Variants in SAMSN1 observed in about 807,000 individuals in gnomAD.
SAMSN1 encodes SAM domain-containing protein SAMSN-1.
Under a neutral mutation model 42.0 loss-of-function variants are expected in SAMSN1, and 31 were observed. The ratio of observed to expected loss-of-function variants is 0.74; its 90% confidence interval spans 0.55 to 1.00. The LOEUF is 1.00. SAMSN1 is among the 50% of genes least tolerant of loss of function. SAMSN1 has a pLI of 0.00. For missense variants in SAMSN1, 464 were observed against 439.4 expected (o/e 1.06, Z -0.50); for synonymous variants, 178 against 151.9 (o/e 1.17, Z -1.26).
At chr21:14,605,832 A>T (rs140869983) in intron 5 of SAMSN1, among the ~76,000 whole-genome samples, 1 of 149,936 alleles carries the variant, frequency 6.7e-6, no homozygotes, top group Admixed American at 6.7e-5. Flanking sequence ...TTATTTATTT[A>T]TTTATTTATT....
At chr21:14,570,722 C>T (rs1805677805) in intron 2 of SAMSN1, among the ~76,000 whole-genome samples, 1 of 152,192 alleles carries the variant, frequency 6.6e-6, no homozygotes, top group Non-Finnish European at 1.5e-5. Context: ...ACGCCACCAT[C>T]ATCTTTCATC....
At chr21:14,613,496 A>G (rs971933046) in intron 3 of SAMSN1, among the ~76,000 whole-genome samples, 2 of 152,166 alleles carry the variant, frequency 1.3e-5, no homozygotes, top group Non-Finnish European at 2.9e-5. Flanking sequence ...GTTATAGCTT[A>G]AGTGTTTTCT....
Position 14,500,541 on chromosome 21 carries a change from C to T in SAMSN1, c.756G>A (p.Arg252=), listed in dbSNP as rs1165411686. ...KSKTLQEFLE[R]IHLQEYTSTL... ...CAGATTTGCTCACCTGCAGATGAAT[C>T]CTCTCTAGGAACTCCTGCAGAGTCT... Residue 252 remains arginine (R), a synonymous_variant, in exon 6 of 8, where the codon AGG becomes AGA. Coordinates refer to ENST00000400566, the MANE Select transcript of SAMSN1 (RefSeq NM_022136.5). 6.2e-7 allele frequency: 1 copy of T among 1,613,994 alleles called. No individual in the cohort carries two copies.
Position 14,516,719 on chromosome 21 carries a change from C to A in SAMSN1, c.279+173G>T, listed in dbSNP as rs117232602. ...GCATGATCTTTCTGAGTGTCAGTTT[C>A]TTCTGTTAAAATGAAAGTAATACTT... On this transcript the variant is annotated intron_variant, in intron 3 of 7. Coordinates refer to ENST00000400566, the MANE Select transcript of SAMSN1 (RefSeq NM_022136.5). Among the ~76,000 whole-genome samples the A allele has an allele frequency of 2.8e-3, 432 of 152,228 alleles. 8 individuals carry two copies. Among genetic ancestry groups the A allele is most frequent in the East Asian group, 0.02 (106 of 5,182 alleles).
rs113865014 is a variant in SAMSN1 at position 14,534,974 on chromosome 21, C to T, written c.57+11231G>A. On this transcript the variant is annotated intron_variant, in intron 1 of 7. Coordinates refer to ENST00000400566, the MANE Select transcript of SAMSN1 (RefSeq NM_022136.5). ...AGGCTTTCTTGAGGAAGTGACAGTC[C>T]ACCTATAAATTCGAATAGATAAGAA... Among the ~76,000 whole-genome samples the T allele has an allele frequency of 1.8e-3, 276 of 152,138 alleles. 2 individuals carry two copies. The highest frequency in any genetic ancestry group is 6.3e-3 in the African/African-American group (261 of 41,488).
chr21:14,507,995 G>A (rs567166335), intron 5 of SAMSN1, among the ~76,000 whole-genome samples: 88 of 152,272 alleles, frequency 5.8e-4, no homozygotes, highest in South Asian at 1.5e-3. Flanking sequence ...AGGATAACTG[G>A]CTAGCCATAT....
intron 2 of SAMSN1, among the ~76,000 whole-genome samples, chr21:14,581,310 T>G (rs989413265): frequency 1.4e-5 from 2 of 145,688 alleles, no homozygotes; most frequent in Non-Finnish European, 3.0e-5. Context: ...GTGCCTCCAT[T>G]TTCTCAACTG....
chr21:14,569,990 C>A (rs9978243), intron 2 of SAMSN1, among the ~76,000 whole-genome samples: 2 of 151,628 alleles, frequency 1.3e-5, no homozygotes, highest in Non-Finnish European at 2.9e-5. Context: ...ACTTTCCCCC[C>A]CCCCAGTTTT....
At chr21:14,657,645 G>A (rs1447949827) in intron 1 of SAMSN1, among the ~76,000 whole-genome samples, 1 of 151,756 alleles carries the variant, frequency 6.6e-6, no homozygotes, top group African/African-American at 2.4e-5. Flanking sequence ...AGCTCTTTTA[G>A]ATCAACTAGA....
upstream of SAMSN1, chr21:14,658,831 T>G (rs770336392): frequency 4.2e-6 from 3 of 714,096 alleles, no homozygotes; most frequent in Non-Finnish European, 7.8e-6. Flanking sequence ...CTCTTGTAGC[T>G]CTCTCTTGCC....
At chr21:14,609,303 C>T (rs2123319036) in intron 5 of SAMSN1, among the ~76,000 whole-genome samples, 1 of 152,068 alleles carries the variant, frequency 6.6e-6, no homozygotes, top group African/African-American at 2.4e-5. Flanking sequence ...TATATGTATA[C>T]ATGTATATAT....
chr21:14,578,271 G>A (rs1981572765), intron 2 of SAMSN1, among the ~76,000 whole-genome samples: 1 of 152,090 alleles, frequency 6.6e-6, no homozygotes, highest in African/African-American at 2.4e-5. Flanking sequence ...AGGGTAAGGA[G>A]TTTACTCAAG....
chr21:14,595,307 A>C (rs995313698), intron 6 of SAMSN1, among the ~76,000 whole-genome samples: 1 of 152,094 alleles, frequency 6.6e-6, no homozygotes, highest in Admixed American at 6.6e-5. Context: ...ATGGAATTAG[A>C]GCCCTTATAA....
intron 1 of SAMSN1, among the ~76,000 whole-genome samples, chr21:14,545,862 A>T (rs1420810180): frequency 6.6e-6 from 1 of 152,218 alleles, no homozygotes; most frequent in Non-Finnish European, 1.5e-5. Context: ...ATAGACGTTG[A>T]CAATCTCATA....
intron 2 of SAMSN1, among the ~76,000 whole-genome samples, chr21:14,616,613 G>C (rs1209141966): frequency 6.6e-6 from 1 of 152,142 alleles, no homozygotes; most frequent in African/African-American, 2.4e-5. Flanking sequence ...CCTTGAAACA[G>C]CTTAAACTGC....
chr21:14,576,412 C>T (rs892710884), intron 2 of SAMSN1, among the ~76,000 whole-genome samples: 1 of 152,124 alleles, frequency 6.6e-6, no homozygotes, highest in Non-Finnish European at 1.5e-5. Context: ...GTTAAGCTGT[C>T]TGTCTCCAGT....
At chr21:14,617,953 G>A (rs183902303) in intron 2 of SAMSN1, among the ~76,000 whole-genome samples, 40 of 152,342 alleles carry the variant, frequency 2.6e-4, no homozygotes, top group African/African-American at 9.4e-4. Flanking sequence ...CCCACACAAA[G>A]CTTAAACACT....
chr21:14,622,467 T>A (rs917689330), intron 2 of SAMSN1, among the ~76,000 whole-genome samples: 1 of 152,152 alleles, frequency 6.6e-6, no homozygotes, highest in African/African-American at 2.4e-5. Flanking sequence ...AAGAACTACG[T>A]GACGAATCCA....
At chr21:14,637,800 T>C (rs1295456721) in intron 2 of SAMSN1, among the ~76,000 whole-genome samples, 1 of 152,194 alleles carries the variant, frequency 6.6e-6, no homozygotes, top group East Asian at 1.9e-4. Flanking sequence ...TTTTAAATGT[T>C]ACCATAAAGC....
Sources: allele counts gnomAD v4.1 joint callset (sites outside exome capture counted in the v4.1 genomes callset), GRCh38; gene constraint gnomAD v4.1.1; transcripts MANE v1.5; gene names NCBI Gene and HGNC (gene_info 2026-07-23, HGNC 2026-07-21).